Variants in GPSM1 observed in about 807,000 individuals in gnomAD.
GPSM1 encodes the protein G protein-signaling modulator 1.
In GPSM1, 48 loss-of-function variants were observed where a neutral mutation model predicts 70.5. The observed-to-expected ratio is 0.68, with a 90% CI of 0.54 to 0.87. The LOEUF is 0.87. Ranked by LOEUF, GPSM1 falls within the 40% of genes least tolerant of loss-of-function variation. GPSM1 has a pLI of 0.00. For missense variants in GPSM1, 981 were observed against 972.6 expected, an observed-to-expected ratio of 1.01 and a Z score of -0.11; for synonymous variants, 416 against 430.1, an observed-to-expected ratio of 0.97 and a Z score of 0.41.
Position 136,348,353 on chromosome 9 carries a change from G to T in GPSM1, c.1208-344G>T, listed in dbSNP as rs184627444. Among the ~76,000 whole-genome samples the T allele has an allele frequency of 3.3e-4, 50 of 152,368 alleles. No individual in the cohort carries two copies. The East Asian group carries it at 6.8e-3, about 21-fold the overall frequency. On this transcript the variant is annotated intron_variant, in intron 9 of 13. Transcript: ENST00000440944. ...GAGGTGACCAGGGGCCACAGGAAGG[G>T]TGATCCAGGCAGAGGGAACAGCAGG... is the stretch of plus-strand genomic sequence containing the variant.
chr9:136,357,142 A>G (rs1832853615), intron 13 of GPSM1, among the ~76,000 whole-genome samples: 1 of 152,180 alleles, frequency 6.6e-6, no homozygotes, highest in Admixed American at 6.5e-5. Flanking sequence ...GCCGGAGTGG[A>G]GACTGCTGAG....
intron 1 of GPSM1, among the ~76,000 whole-genome samples, chr9:136,329,456 G>T (rs1045420779): frequency 6.6e-6 from 1 of 152,218 alleles, no homozygotes; most frequent in African/African-American, 2.4e-5. Flanking sequence ...GGGCTGGAGA[G>T]CAAGACACGG....
Position 136,338,561 on chromosome 9 carries a change from G to C in GPSM1, c.825G>C (p.Thr275=), listed in dbSNP as rs781790011. The change falls in exon 7 of 14, where the codon ACG becomes ACC. Residue 275 remains threonine (T), a synonymous_variant. Transcript: ENST00000440944. ...ACCCTGCCACTCTGCACAGGAAGAC[G>C]CTGCAACTGTCTCGGCAGCTCAGGG... ...FDVAAEYYKK[T]LQLSRQLRDQ... 1.2e-6 allele frequency: 2 copies of C among 1,610,794 alleles called. No homozygotes were observed. The highest frequency in any genetic ancestry group is 1.7e-6 in the Non-Finnish European group (2 of 1,179,086).
chr9:136,340,565 G>A lies in GPSM1; in HGVS notation c.1084-305G>A, dbSNP rs558151156. 2.0e-5 allele frequency among the ~76,000 whole-genome samples: 3 copies of A among 152,038 alleles called. No individual in the cohort carries two copies. Among genetic ancestry groups the A allele is most frequent in the Non-Finnish European group, 2.9e-5 (2 of 67,986 alleles). ...GGCAGGGGCTGAGAGAGGTGCAGCCGGGCGGGGCCGGGCCCCTCGCGCACC... is the reference window on the plus strand; with the variant it reads ...GGCAGGGGCTGAGAGAGGTGCAGCCAGGCGGGGCCGGGCCCCTCGCGCACC... On this transcript the variant is annotated intron_variant, in intron 8 of 13. Transcript: ENST00000440944. The surrounding 1 kb of genome is among the most constrained non-coding windows in gnomAD (Gnocchi z 7.3).
intron 11 of GPSM1, 131 bp downstream of exon 11, chr9:136,349,894 G>A: frequency 3.7e-6 from 3 of 811,812 alleles, no homozygotes; most frequent in Non-Finnish European, 5.7e-6. Context: ...CCTCCCCGGT[G>A]CACCTGGTGC....
chr9:136,355,676 C>A lies in GPSM1; in HGVS notation c.1456-14C>A. ...GGGCTAGCTTTGGCTGCGGTGACCC[C>A]ACTCCCTCCCCAGAGCATCCCGAGG... On this transcript the variant is annotated splice_polypyrimidine_tract_variant and intron_variant, in intron 11 of 13. Transcript: ENST00000440944. 1 of 1,610,166 alleles carries A rather than the reference C, an allele frequency of 6.2e-7. No individual in the cohort carries two copies. Among genetic ancestry groups the A allele is most frequent in the Non-Finnish European group, 8.5e-7 (1 of 1,178,282 alleles).
Position 136,349,648 on chromosome 9 carries a change from C to T in GPSM1, c.1340C>T (p.Pro447Leu), listed in dbSNP as rs1374093168. 1 of 1,550,306 alleles carries T rather than the reference C, an allele frequency of 6.5e-7. No homozygotes were observed. The highest frequency in any genetic ancestry group is 2.0e-5 in the Admixed American group (1 of 50,996). ...DWRGPSRDSL[P>L]LPVRSRKYQE... ...CGGGGGCCCAGCAGGGACTCGCTAC[C>T]CCTCCCCGTGAGGAGCAGGAAGTAC... Residue 447 changes from proline to leucine, a missense_variant, in exon 11 of 14, where the codon CCC becomes CTC. Pro to Leu is a moderately conservative substitution (Grantham distance 98, BLOSUM62 -3). Coordinates refer to ENST00000440944, the MANE Select transcript of GPSM1 (RefSeq NM_001145638.3).
chr9:136,334,727 G>A, intron 2 of GPSM1, 59 bp downstream of exon 2: 5 of 1,420,208 alleles, frequency 3.5e-6, no homozygotes, highest in Non-Finnish European at 4.9e-6. Context: ...CGCGGTGAGT[G>A]GGGACGGCCC....
intron 1 of GPSM1, among the ~76,000 whole-genome samples, chr9:136,328,447 G>T (rs781834441): frequency 6.6e-6 from 1 of 152,220 alleles, no homozygotes; most frequent in African/African-American, 2.4e-5. Context: ...CCACACGAGC[G>T]TGAGGTCCAG....
Position 136,340,234 on chromosome 9 carries a change from C to T in GPSM1, c.1083+419C>T, listed in dbSNP as rs1170164460. 2.0e-5 allele frequency among the ~76,000 whole-genome samples: 3 copies of T among 152,196 alleles called. No homozygotes were observed. Among genetic ancestry groups the T allele is most frequent in the Non-Finnish European group, 2.9e-5 (2 of 68,040 alleles). ...ATGCTAAAGACGGTGCCAGCCCCTA[C>T]TGACCACCATAGACCCATGTAGGAG... On this transcript the variant is annotated intron_variant, in intron 8 of 13. Transcript: ENST00000440944. This position sits in a 1 kb window ranked among gnomAD's most constrained non-coding sequence, Gnocchi z 7.3.
At chr9:136,337,338 A>G in intron 4 of GPSM1, 103 bp from the exon 5 acceptor site, 3 of 1,488,274 alleles carry the variant, frequency 2.0e-6, no homozygotes, top group Non-Finnish European at 2.7e-6. Flanking sequence ...TTTCCAGGGC[A>G]TGGCCCTGAG....
At chr9:136,346,448 G>C (rs1471965338) in intron 9 of GPSM1, among the ~76,000 whole-genome samples, 1 of 152,208 alleles carries the variant, frequency 6.6e-6, no homozygotes, top group African/African-American at 2.4e-5. Flanking sequence ...CAGCCAGGCC[G>C]ATCCAGGGGC....
intron 11 of GPSM1, among the ~76,000 whole-genome samples, chr9:136,354,050 G>T (rs1554772561): frequency 6.6e-6 from 1 of 152,156 alleles, no homozygotes; most frequent in Non-Finnish European, 1.5e-5. Context: ...GGAGAGCCCT[G>T]CGGGGAGAAG....
intron 9 of GPSM1, among the ~76,000 whole-genome samples, chr9:136,347,605 CT>C (rs1832553919): frequency 6.6e-6 from 1 of 151,994 alleles, no homozygotes; most frequent in African/African-American, 2.4e-5. Flanking sequence ...GGCTGTGCCC[CT>C]GTCCGTCCCG....
intron 11 of GPSM1, chr9:136,354,801 G>T: frequency 1.0e-6 from 1 of 986,886 alleles, no homozygotes; most frequent in African/African-American, 1.7e-5. Flanking sequence ...GCAGACACCG[G>T]TGAGGGCTGT....
At chr9:136,349,526 C>A in intron 10 of GPSM1, 61 bp from the exon 11 acceptor site, 1 of 1,451,624 alleles carries the variant, frequency 6.9e-7, no homozygotes, top group Non-Finnish European at 9.4e-7. Context: ...CCTTCAGGGT[C>A]CTGGGATGGG....
In GPSM1 at chr9:136,355,718, A is replaced by G. The variant is rs1554772877; in HGVS notation, c.1484A>G (p.Glu495Gly). 1.9e-6 allele frequency: 3 copies of G among 1,612,346 alleles called. No individual in the cohort carries two copies. The highest frequency in any genetic ancestry group is 2.5e-6 in the Non-Finnish European group (3 of 1,179,520). Residue 495 changes from glutamate (E) to glycine (G), a missense_variant, in exon 12 of 14, where the codon GAG (glutamate) becomes GGG (glycine). Transcript: ENST00000440944. ...ATCCCGAGGGCCCCGTCTTCGGACGAGGAGTGCTTCTTTGACCTGTTGACC... is the reference window on the plus strand; with the variant it reads ...ATCCCGAGGGCCCCGTCTTCGGACGGGGAGTGCTTCTTTGACCTGTTGACC... ...TSIPRAPSSD[E>G]ECFFDLLTKF...
intron 12 of GPSM1, 98 bp from the exon 13 acceptor site, chr9:136,356,244 G>A (rs1187730782): frequency 3.2e-6 from 3 of 930,796 alleles, no homozygotes; most frequent in Non-Finnish European, 1.6e-6. Flanking sequence ...ACAGTGGGCT[G>A]GGCTGGGCTC....
intron 1 of GPSM1, chr9:136,331,952 C>T (rs1467210714): frequency 2.0e-5 from 8 of 398,172 alleles, no homozygotes; most frequent in South Asian, 1.3e-4. Context: ...CCCCAGGACC[C>T]GTGGCCATGG....
Sources: gnomAD v4.1 joint callset for allele counts (sites outside exome capture counted in the v4.1 genomes callset) on GRCh38, gnomAD v4.1.1 for gene constraint, Gnocchi (gnomAD v3.1) non-coding constraint, MANE v1.5 for transcripts, NCBI Gene and HGNC (gene_info 2026-07-23, HGNC 2026-07-21) for gene names.